The following PTPRA variants were observed in gnomAD, a reference collection of about 807,000 sequenced individuals.
PTPRA encodes the protein protein tyrosine phosphatase receptor type A, also known as receptor-type tyrosine-protein phosphatase alpha.
PTPRA carries 25 observed loss-of-function variants against 104.8 expected under a neutral mutation model. The observed-to-expected ratio is 0.24, with a 90% confidence interval of 0.17 to 0.33. PTPRA has a LOEUF of 0.33. Among genes scored for constraint, PTPRA ranks in the 10% least tolerant of loss-of-function variants. The pLI is 1.00. For synonymous variants in PTPRA, 323 were observed against 368.9 expected (o/e 0.88, Z 1.43); for missense variants, 765 against 1,015.3 (o/e 0.75, Z 3.35).
chr20:2,894,433 A>G (rs557609655), intron 1 of PTPRA, among the ~76,000 whole-genome samples: 29 of 152,270 alleles, frequency 1.9e-4, no homozygotes, highest in African/African-American at 6.7e-4. Flanking sequence ...CCTGTGCCAC[A>G]CTGGAGTTTC....
intron 16 of PTPRA, 152 bp from the exon 17 acceptor site, chr20:3,024,320 T>G (rs1600273503): frequency 1.2e-6 from 1 of 825,274 alleles, no homozygotes; most frequent in East Asian, 2.5e-5. Context: ...CAAGTCCCAC[T>G]TCACTAAATT....
intron 1 of PTPRA, among the ~76,000 whole-genome samples, chr20:2,882,296 CTT>C (rs563182313): frequency 4.3e-5 from 6 of 139,288 alleles, no homozygotes; most frequent in Admixed American, 7.2e-5. Flanking sequence ...TTCTTTCTTT[CTT>C]TTTTTTTTTT....
intron 1 of PTPRA, among the ~76,000 whole-genome samples, chr20:2,911,062 T>C (rs939078362): frequency 4.6e-5 from 7 of 152,038 alleles, no homozygotes; most frequent in Non-Finnish European, 8.8e-5. Flanking sequence ...GGCTATCTTA[T>C]AAATAATTTT....
At chr20:2,931,165 T>TA (rs1254378040) in intron 2 of PTPRA, among the ~76,000 whole-genome samples, 4 of 152,122 alleles carry the variant, frequency 2.6e-5, no homozygotes, top group African/African-American at 9.7e-5. Flanking sequence ...GACTGTTTTT[T>TA]AAAAGCTCCC....
intron 6 of PTPRA, among the ~76,000 whole-genome samples, chr20:2,976,452 C>T (rs1165623406): frequency 6.6e-6 from 1 of 152,158 alleles, no homozygotes; most frequent in Non-Finnish European, 1.5e-5. Context: ...GATATCATAT[C>T]TATTTTACCT....
chr20:3,032,520 C>A (rs564243266), intron 20 of PTPRA, among the ~76,000 whole-genome samples: 1 of 152,142 alleles, frequency 6.6e-6, no homozygotes, highest in Admixed American at 6.5e-5. Context: ...GTAATCCCAG[C>A]ACTTTGGGAG....
At chr20:2,872,188 A>G (rs139630444), upstream of PTPRA, among the ~76,000 whole-genome samples, 69 of 151,924 alleles carry the variant, frequency 4.5e-4, no homozygotes, top group East Asian at 0.013. This position sits in a 1 kb window ranked among gnomAD's most constrained non-coding sequence, Gnocchi z 7.9. Context: ...GCCCCAACAG[A>G]AGGCGGTGGT....
chr20:2,956,149 A>G (rs980748793), intron 3 of PTPRA, among the ~76,000 whole-genome samples: 3 of 152,202 alleles, frequency 2.0e-5, no homozygotes, highest in African/African-American at 7.2e-5. Flanking sequence ...TTTATTGGCT[A>G]GATTACTTCA....
chr20:2,882,891 A>T (rs1568637659), intron 1 of PTPRA, among the ~76,000 whole-genome samples: 1 of 152,066 alleles, frequency 6.6e-6, no homozygotes, highest in African/African-American at 2.4e-5. Flanking sequence ...TTCTTTTTTA[A>T]AAAAATGCCA....
chr20:3,035,459 C>A lies in PTPRA; in HGVS notation c.1921-126C>A. 1.8e-6 allele frequency: 2 copies of A among 1,131,504 alleles called. No individual in the cohort carries two copies. Among genetic ancestry groups the A allele is most frequent in the Non-Finnish European group, 2.5e-6 (2 of 799,034 alleles). The allele number at this position is 1,131,504 out of a possible 1,614,324, so 70.1% of individuals were successfully genotyped here. ...ATAATGATCCTGCAAGTTTTCAATACCTTGGGGACGAAGCGTATCAGCGTA... is the reference window on the plus strand; with the variant it reads ...ATAATGATCCTGCAAGTTTTCAATAACTTGGGGACGAAGCGTATCAGCGTA... On this transcript the variant is annotated intron_variant, in intron 20 of 23. Transcript: ENST00000399903. This position sits in a 1 kb window ranked among gnomAD's most constrained non-coding sequence, Gnocchi z 5.8.
intron 2 of PTPRA, among the ~76,000 whole-genome samples, chr20:2,945,061 G>T (rs2061074409): frequency 6.6e-6 from 1 of 150,882 alleles, no homozygotes; most frequent in Admixed American, 6.6e-5. Context: ...AAATCTTTTT[G>T]CTTCTCTCTG....
At chr20:2,878,020 G>A (rs187724811) in intron 1 of PTPRA, among the ~76,000 whole-genome samples, 71 of 151,920 alleles carry the variant, frequency 4.7e-4, no homozygotes, top group African/African-American at 1.4e-3. Flanking sequence ...GTGTGGTGGC[G>A]CGTGCCTGTA....
At chr20:2,918,800 G>A (rs1280573536) in intron 1 of PTPRA, among the ~76,000 whole-genome samples, 3 of 152,148 alleles carry the variant, frequency 2.0e-5, no homozygotes, top group Non-Finnish European at 1.5e-5. Flanking sequence ...TTTAGCTAGT[G>A]GGTAAGAGCA....
chr20:3,023,572 C>T (rs980014083), intron 16 of PTPRA, among the ~76,000 whole-genome samples: 2 of 152,164 alleles, frequency 1.3e-5, no homozygotes, highest in East Asian at 1.9e-4. Flanking sequence ...ATCTGGCCTA[C>T]GTGCACATCA....
chr20:3,001,089 C>G (rs1471611197), intron 9 of PTPRA, among the ~76,000 whole-genome samples: 1 of 152,152 alleles, frequency 6.6e-6, no homozygotes, highest in Non-Finnish European at 1.5e-5. Flanking sequence ...ATGAAACGGT[C>G]TTCGATGCCA....
At chr20:3,032,081 T>TA in intron 20 of PTPRA, among the ~76,000 whole-genome samples, 1 of 152,320 alleles carries the variant, frequency 6.6e-6, no homozygotes, top group South Asian at 2.1e-4. Context: ...GCCTGTCCCA[T>TA]CATACTCACA....
intron 1 of PTPRA, among the ~76,000 whole-genome samples, chr20:2,920,166 C>T (rs372491926): frequency 1.3e-5 from 2 of 152,222 alleles, no homozygotes; most frequent in East Asian, 3.9e-4. Flanking sequence ...AGAACAGATA[C>T]AGGAGAAGAT....
intron 1 of PTPRA, among the ~76,000 whole-genome samples, chr20:2,897,094 A>G (rs1220113563): frequency 6.6e-6 from 1 of 152,202 alleles, no homozygotes; most frequent in East Asian, 1.9e-4. Context: ...GTTCATGTCA[A>G]TTTGTCCAAT....
chr20:2,870,735 G>C (rs1228053037), upstream of PTPRA, among the ~76,000 whole-genome samples: 1 of 152,192 alleles, frequency 6.6e-6, no homozygotes, highest in Admixed American at 6.5e-5. Context: ...CAGCTCTCCT[G>C]ATCCTCTCCT....
Sources: gnomAD v4.1 joint callset for allele counts (sites outside exome capture counted in the v4.1 genomes callset) on GRCh38, gnomAD v4.1.1 for gene constraint, Gnocchi (gnomAD v3.1) non-coding constraint, MANE v1.5 for transcripts, NCBI Gene and HGNC (gene_info 2026-07-23, HGNC 2026-07-21) for gene names.